Variants in KCNMB2 observed in about 807,000 individuals in gnomAD.
KCNMB2 encodes potassium calcium-activated channel subfamily M regulatory beta subunit 2.
Under a neutral mutation model 24.5 loss-of-function variants are expected in KCNMB2, and 9 were observed. The ratio of observed to expected loss-of-function variants is 0.37; its 90% CI spans 0.22 to 0.64. The LOEUF is 0.64. KCNMB2 is among the 30% of genes least tolerant of loss of function. KCNMB2 has a pLI of 0.63. For missense variants in KCNMB2, 226 were observed against 284.3 expected (o/e 0.79, Z 1.47); for synonymous variants, 109 against 104.4 (o/e 1.04, Z -0.27).
intron 1 of KCNMB2, among the ~76,000 whole-genome samples, chr3:178,774,392 C>G (rs1712495193): frequency 6.6e-6 from 1 of 152,192 alleles, no homozygotes; most frequent in Non-Finnish European, 1.5e-5. Flanking sequence ...TCCCAGGTTC[C>G]TGTTCCATAT....
intron 1 of KCNMB2, among the ~76,000 whole-genome samples, chr3:178,783,999 T>C (rs1336939679): frequency 6.6e-6 from 1 of 152,206 alleles, no homozygotes; most frequent in Non-Finnish European, 1.5e-5. Context: ...TTTTTTAGCA[T>C]GAAGGGTTGT....
chr3:178,599,559 T>C (rs1382983284), intron 1 of KCNMB2, among the ~76,000 whole-genome samples: 1 of 152,188 alleles, frequency 6.6e-6, no homozygotes, highest in Non-Finnish European at 1.5e-5. Flanking sequence ...TCCTTACACA[T>C]GACTTTTTTT....
intron 1 of KCNMB2, among the ~76,000 whole-genome samples, chr3:178,550,727 T>C (rs965947795): frequency 9.2e-5 from 14 of 152,074 alleles, no homozygotes; most frequent in Non-Finnish European, 2.1e-4. Flanking sequence ...GCCACTAGTG[T>C]GGCAATTATG....
chr3:178,667,879 G>T (rs1266392051), intron 1 of KCNMB2, among the ~76,000 whole-genome samples: 3 of 152,058 alleles, frequency 2.0e-5, no homozygotes, highest in Non-Finnish European at 2.9e-5. Context: ...TTTCTGGTTG[G>T]CCAAGGCTGA....
At chr3:178,786,274 T>C (rs1265964373) in intron 1 of KCNMB2, among the ~76,000 whole-genome samples, 2 of 152,184 alleles carry the variant, frequency 1.3e-5, no homozygotes, top group East Asian at 1.9e-4. Flanking sequence ...TTGGATAGAA[T>C]AGGTCCAGTG....
intron 1 of KCNMB2, among the ~76,000 whole-genome samples, chr3:178,678,550 T>C (rs563010937): frequency 6.6e-5 from 10 of 152,326 alleles, no homozygotes; most frequent in African/African-American, 2.2e-4. Flanking sequence ...CTGATCAAAC[T>C]GGAGTTGCCT....
At chr3:178,623,493 T>A (rs1259942803) in intron 1 of KCNMB2, among the ~76,000 whole-genome samples, 1 of 152,168 alleles carries the variant, frequency 6.6e-6, no homozygotes, top group African/African-American at 2.4e-5. Flanking sequence ...CTAAATAATA[T>A]TCAGTTGACT....
At chr3:178,694,336 G>A (rs1200975818) in intron 1 of KCNMB2, among the ~76,000 whole-genome samples, 3 of 152,122 alleles carry the variant, frequency 2.0e-5, no homozygotes, top group African/African-American at 4.8e-5. Flanking sequence ...GATTTGGGTG[G>A]AGACACAGTC....
intron 1 of KCNMB2, among the ~76,000 whole-genome samples, chr3:178,654,552 G>T (rs1720251676): frequency 6.6e-6 from 1 of 151,994 alleles, no homozygotes; most frequent in Non-Finnish European, 1.5e-5. Context: ...AACAAAAATT[G>T]GTCAAAACTG....
intron 1 of KCNMB2, among the ~76,000 whole-genome samples, chr3:178,623,176 T>C (rs896434771): frequency 7.2e-5 from 11 of 152,246 alleles, no homozygotes; most frequent in Non-Finnish European, 1.2e-4. Context: ...CTGTGTCTGA[T>C]GGTGTGCTGA....
At chr3:178,704,758 G>A (rs1722221648) in intron 1 of KCNMB2, among the ~76,000 whole-genome samples, 1 of 152,140 alleles carries the variant, frequency 6.6e-6, no homozygotes, top group Non-Finnish European at 1.5e-5. Flanking sequence ...ACCAGTTAAT[G>A]AGAGAACCAA....
rs190022489 is a variant in KCNMB2 at position 178,679,028 on chromosome 3, T to G, written c.-67-128315T>G. On this transcript the variant is annotated intron_variant, in intron 1 of 4. Coordinates refer to ENST00000452583, the MANE Select transcript of KCNMB2 (RefSeq NM_181361.3). Reference sequence around the variant, plus strand: ...CATTGTTGTTCATTTATCAGTTTTTTTTTGTTTGTTTGTTTTTTGTTTTGT... The same window carrying G: ...CATTGTTGTTCATTTATCAGTTTTTGTTTGTTTGTTTGTTTTTTGTTTTGT... Among the ~76,000 whole-genome samples the G allele has an allele frequency of 1.4e-3, 208 of 147,298 alleles. 1 individual carries two copies. The highest frequency in any genetic ancestry group is 3.6e-3 in the African/African-American group (141 of 38,838).
chr3:178,636,072 A>G (rs1719509882), intron 1 of KCNMB2, among the ~76,000 whole-genome samples: 2 of 152,250 alleles, frequency 1.3e-5, no homozygotes, highest in African/African-American at 4.8e-5. Flanking sequence ...TAGATATAAC[A>G]TAATTTATTG....
At chr3:178,660,156 G>T (rs2108569872) in intron 1 of KCNMB2, among the ~76,000 whole-genome samples, 1 of 152,182 alleles carries the variant, frequency 6.6e-6, no homozygotes, top group South Asian at 2.1e-4. Context: ...TTACTTGATT[G>T]CCCTTTGATT....
At chr3:178,704,823 G>A (rs557023375) in intron 1 of KCNMB2, among the ~76,000 whole-genome samples, 3 of 152,188 alleles carry the variant, frequency 2.0e-5, no homozygotes, top group African/African-American at 7.2e-5. Flanking sequence ...TCACAGGGTC[G>A]TTTCATTAAA....
At chr3:178,614,066 G>C (rs1718592017) in intron 1 of KCNMB2, among the ~76,000 whole-genome samples, 1 of 149,178 alleles carries the variant, frequency 6.7e-6, no homozygotes, top group African/African-American at 2.5e-5. Context: ...TCTTTCTTCT[G>C]CTTGATCTGT....
At chr3:178,763,673 G>A (rs1712003579) in intron 1 of KCNMB2, among the ~76,000 whole-genome samples, 1 of 152,152 alleles carries the variant, frequency 6.6e-6, no homozygotes, top group African/African-American at 2.4e-5. Flanking sequence ...GAGAGAGTGG[G>A]TAGATGGAGA....
Position 178,762,119 on chromosome 3 carries a change from C to T in KCNMB2, c.-67-45224C>T, listed in dbSNP as rs71310303. On this transcript the variant is annotated intron_variant, in intron 1 of 4. Transcript: ENST00000452583. Reference sequence around the variant, plus strand: ...CCGGGAGGCAGAGCTTGCAGTGAGCCGAGATCGCACCACTGCACTCCAGCC... The same window carrying T: ...CCGGGAGGCAGAGCTTGCAGTGAGCTGAGATCGCACCACTGCACTCCAGCC... Among the ~76,000 whole-genome samples, 81 of 151,856 alleles carry T rather than the reference C, an allele frequency of 5.3e-4. 2 individuals carry two copies. Among genetic ancestry groups the T allele is most frequent in the South Asian group, 3.1e-3 (15 of 4,812 alleles).
chr3:178,547,094 C>T (rs924474029), intron 1 of KCNMB2, among the ~76,000 whole-genome samples: 1 of 152,140 alleles, frequency 6.6e-6, no homozygotes, highest in African/African-American at 2.4e-5. Context: ...TGGATTAATG[C>T]CATTTTCGCT....
Sources: allele counts gnomAD v4.1 joint callset (sites outside exome capture counted in the v4.1 genomes callset), GRCh38; gene constraint gnomAD v4.1.1; transcripts MANE v1.5; gene names NCBI Gene and HGNC (gene_info 2026-07-23, HGNC 2026-07-21).